DCBLD2: variants seen among roughly 807,000 people sequenced by gnomAD.
The protein encoded by DCBLD2 is discoidin, CUB and LCCL domain containing 2, also known as discoidin, CUB and LCCL domain-containing protein 2.
DCBLD2 carries 54 observed loss-of-function variants against 86.8 expected under a neutral mutation model. That is an observed-to-expected ratio of 0.62 (90% CI 0.50 to 0.78). The LOEUF is 0.78. Ranked by LOEUF, DCBLD2 falls within the 30% of genes least tolerant of loss-of-function variation. DCBLD2 has a pLI of 0.00. For missense variants in DCBLD2, 908 were observed against 954.2 expected, an observed-to-expected ratio of 0.95 and a Z score of 0.64; for synonymous variants, 354 against 341.3, an observed-to-expected ratio of 1.04 and a Z score of -0.41.
At chr3:98,870,706 A>G (rs1405795658) in intron 2 of DCBLD2, among the ~76,000 whole-genome samples, 1 of 145,824 alleles carries the variant, frequency 6.9e-6, no homozygotes, top group African/African-American at 2.6e-5. Context: ...GAGAGAGAAA[A>G]AAAGAAAGAA....
At chr3:98,844,034 GCACACACACACA>G (rs10574415) in intron 3 of DCBLD2, among the ~76,000 whole-genome samples, 3 of 145,630 alleles carry the variant, frequency 2.1e-5, no homozygotes, top group Middle Eastern at 3.5e-3. Context: ...AATCATGCAT[GCACACACACACA>G]CACACACACA....
chr3:98,894,019 G>T (rs774550911), intron 1 of DCBLD2, among the ~76,000 whole-genome samples: 27 of 152,174 alleles, frequency 1.8e-4, no homozygotes, highest in Non-Finnish European at 2.9e-4. Context: ...ACCAGAGAAA[G>T]CAGAGAATGG....
intron 1 of DCBLD2, among the ~76,000 whole-genome samples, chr3:98,898,726 T>C (rs1009841246): frequency 3.9e-5 from 6 of 152,172 alleles, no homozygotes; most frequent in African/African-American, 1.4e-4. Flanking sequence ...GAACATCTGT[T>C]AGACTGGGAA....
intron 2 of DCBLD2, among the ~76,000 whole-genome samples, chr3:98,859,642 C>CAA (rs1327318332): frequency 4.6e-5 from 7 of 152,188 alleles, no homozygotes; most frequent in African/African-American, 1.7e-4. Flanking sequence ...CAGAAAACTC[C>CAA]AACAGACCTC....
At chr3:98,889,945 C>T (rs1383887267) in intron 1 of DCBLD2, among the ~76,000 whole-genome samples, 1 of 152,022 alleles carries the variant, frequency 6.6e-6, no homozygotes, top group African/African-American at 2.4e-5. Context: ...CCTCCTTCTA[C>T]ATGGTGTCCC....
At position 98,812,312 on chromosome 3, in the gene DCBLD2, T is replaced by C. The variant is rs201948160; in HGVS notation, c.1363+20A>G. On this transcript the variant is annotated intron_variant, in intron 10 of 15. Coordinates refer to ENST00000326840, the MANE Select transcript of DCBLD2 (RefSeq NM_080927.4). ...TTGGCAATCCAGTAAAAACATATCT[T>C]AAACGAACTGTCTCTTTACCTTTAG... 1 of 1,611,692 alleles carries C rather than the reference T, an allele frequency of 6.2e-7. No individual in the cohort carries two copies. Among genetic ancestry groups the C allele is most frequent in the African/African-American group, 1.3e-5 (1 of 74,892 alleles).
intron 3 of DCBLD2, among the ~76,000 whole-genome samples, chr3:98,829,221 A>C: frequency 6.6e-6 from 1 of 152,122 alleles, no homozygotes; most frequent in East Asian, 1.9e-4. Context: ...GGTATACTGC[A>C]TGGTGCTGAG....
intron 2 of DCBLD2, among the ~76,000 whole-genome samples, chr3:98,878,764 A>G (rs991245055): frequency 6.6e-6 from 1 of 152,232 alleles, no homozygotes; most frequent in African/African-American, 2.4e-5. Context: ...ATCATCACTC[A>G]GGCCCCTTGA....
chr3:98,804,593 A>G (rs1178854959), intron 13 of DCBLD2, among the ~76,000 whole-genome samples: 2 of 151,986 alleles, frequency 1.3e-5, no homozygotes, highest in Non-Finnish European at 1.5e-5. Context: ...CAGCTTTTCA[A>G]TGTGTTTGCT....
chr3:98,808,761 T>C (rs558376572), intron 12 of DCBLD2, among the ~76,000 whole-genome samples: 6 of 152,292 alleles, frequency 3.9e-5, no homozygotes, highest in African/African-American at 1.4e-4. Flanking sequence ...AATGGAAATA[T>C]AAACTGATGC....
chr3:98,894,155 A>G (rs1287301790), intron 1 of DCBLD2, among the ~76,000 whole-genome samples: 2 of 152,210 alleles, frequency 1.3e-5, no homozygotes, highest in Non-Finnish European at 2.9e-5. Context: ...CAAATGAACC[A>G]GGTGAAAGAG....
chr3:98,852,153 C>G (rs1942851527), intron 2 of DCBLD2, among the ~76,000 whole-genome samples: 1 of 152,140 alleles, frequency 6.6e-6, no homozygotes, highest in Admixed American at 6.5e-5. Flanking sequence ...GATCAAGAGA[C>G]TGGTAACTTG....
rs779084771 is a variant in DCBLD2 at position 98,800,753 on chromosome 3, A to C, written c.1721-37T>G. On this transcript the variant is annotated intron_variant, in intron 14 of 15. Coordinates refer to ENST00000326840, the MANE Select transcript of DCBLD2 (RefSeq NM_080927.4). ...CGGCAAGCCAAAGAGACCATTAAAT[A>C]AAAACCTGTATCTCAAACAGTAGTA... 13 of 1,613,516 alleles carry C rather than the reference A, an allele frequency of 8.1e-6. 1 individual carries two copies. The South Asian group carries it at 1.4e-4, about 18-fold the overall frequency.
chr3:98,858,125 C>G (rs1281225418), intron 2 of DCBLD2, among the ~76,000 whole-genome samples: 1 of 152,230 alleles, frequency 6.6e-6, no homozygotes, highest in Non-Finnish European at 1.5e-5. Context: ...CACGGGGAGG[C>G]AGCTAAGGCC....
intron 3 of DCBLD2, among the ~76,000 whole-genome samples, chr3:98,840,971 C>T (rs1461335117): frequency 2.0e-5 from 3 of 152,244 alleles, no homozygotes; most frequent in Non-Finnish European, 2.9e-5. Flanking sequence ...CTCAGGGATT[C>T]TGCTGAAGCA....
rs139000484 is a variant in DCBLD2 at position 98,874,555 on chromosome 3, G to A, written c.433+6985C>T. ...TCTTTCTTGATAACAACACTTAATG[G>A]AAATCAGTGGATACTTCCTATTATG... On this transcript the variant is annotated intron_variant, in intron 2 of 15. Coordinates refer to ENST00000326840, the MANE Select transcript of DCBLD2 (RefSeq NM_080927.4). 5.3e-3 allele frequency among the ~76,000 whole-genome samples: 803 copies of A among 152,190 alleles called. 7 individuals carry two copies. The highest frequency in any genetic ancestry group is 0.018 in the African/African-American group (759 of 41,546).
chr3:98,852,492 C>G (rs1942857576), intron 2 of DCBLD2, among the ~76,000 whole-genome samples: 1 of 152,190 alleles, frequency 6.6e-6, no homozygotes, highest in Admixed American at 6.5e-5. Flanking sequence ...GGTGATCCAC[C>G]CACCTCGGCC....
chr3:98,830,873 G>A (rs1300131733), intron 3 of DCBLD2, among the ~76,000 whole-genome samples: 2 of 152,076 alleles, frequency 1.3e-5, no homozygotes, highest in African/African-American at 4.8e-5. Flanking sequence ...TCATGAGCAT[G>A]GCATGTTTTT....
intron 4 of DCBLD2, among the ~76,000 whole-genome samples, chr3:98,824,818 T>C (rs828621): frequency 6.6e-6 from 1 of 151,768 alleles, no homozygotes; most frequent in Admixed American, 6.6e-5. Context: ...TGATCAGATA[T>C]GTATTTTGGA....
Sources: allele counts gnomAD v4.1 joint callset (sites outside exome capture counted in the v4.1 genomes callset), GRCh38; gene constraint gnomAD v4.1.1; transcripts MANE v1.5; gene names NCBI Gene and HGNC (gene_info 2026-07-23, HGNC 2026-07-21).